TTC14: variants seen among roughly 807,000 people sequenced by gnomAD.
The protein encoded by TTC14 is tetratricopeptide repeat domain 14.
In TTC14, 63 loss-of-function variants were observed where a neutral mutation model predicts 79.9. That is an observed-to-expected ratio of 0.79 (90% CI 0.64 to 0.97). The LOEUF (loss-of-function observed/expected upper bound fraction) is 0.97, where lower values mean the gene tolerates loss of function less well. TTC14 is among the 50% of genes least tolerant of loss of function. The pLI is 0.00. For synonymous variants in TTC14, 335 were observed against 309.6 expected, an observed-to-expected ratio of 1.08 and a Z score of -0.86; for missense variants, 895 against 894.0, an observed-to-expected ratio of 1.00 and a Z score of -0.01.
At chr3:180,602,461 G>C in intron 1 of TTC14, 39 bp downstream of exon 1, 1 of 1,556,522 alleles carries the variant, frequency 6.4e-7, no homozygotes, top group South Asian at 1.2e-5. Context: ...CGGAAGAGGG[G>C]ACGCAGCTCT....
intron 3 of TTC14, chr3:180,603,589 G>T (rs181950971): frequency 2.3e-6 from 1 of 436,060 alleles, no homozygotes. Flanking sequence ...ATCAGTGGAC[G>T]TGGTGAGGTT....
rs1716685454 is a variant in TTC14, at chr3:180,606,350, G to A, written c.1027G>A (p.Ala343Thr). 1 of 1,613,980 alleles carries A rather than the reference G, an allele frequency of 6.2e-7. No homozygotes were observed. Among genetic ancestry groups the A allele is most frequent in the Admixed American group, 1.7e-5 (1 of 59,998 alleles). ...GGAAATAGACAAACAAAACGTGGAAGCTTTGGTAGCTCGTGGAGCATTGTA... is the reference window on the plus strand; with the variant it reads ...GGAAATAGACAAACAAAACGTGGAAACTTTGGTAGCTCGTGGAGCATTGTA... ...ALEIDKQNVE[A>T]LVARGALYAT... The change falls in exon 8 of 12, where the codon GCT becomes ACT. Residue 343 changes from alanine to threonine, a missense_variant. Transcript: ENST00000296015.
chr3:180,607,011 T>C (rs1308509616), intron 9 of TTC14, among the ~76,000 whole-genome samples: 2 of 152,214 alleles, frequency 1.3e-5, no homozygotes, highest in African/African-American at 4.8e-5. Flanking sequence ...CAATACCCTG[T>C]AGTTACCTAA....
rs1716390232 is a variant in TTC14 at position 180,602,214 on chromosome 3, A to G, written c.-48A>G. The G allele has an allele frequency of 6.2e-6, 10 of 1,604,590 alleles. No homozygotes were observed. The highest frequency in any genetic ancestry group is 8.5e-6 in the Non-Finnish European group (10 of 1,175,384). ...ACCCGGCTCAAGTAGCGGACACGGAACAGGGAACTATCAGCCCGTCGGCCT... is the reference window on the plus strand; with the variant it reads ...ACCCGGCTCAAGTAGCGGACACGGAGCAGGGAACTATCAGCCCGTCGGCCT... On this transcript the variant is annotated 5_prime_UTR_variant, in exon 1 of 12. Transcript: ENST00000296015.
Position 180,610,877 on chromosome 3 carries a change from T to C in TTC14, c.*335T>C. Reference sequence around the variant, plus strand: ...TTCCTGGGTGCATCTTATTCTGCTGTTTGAGAGAAAAATTTGTGCATTGAA... The same window carrying C: ...TTCCTGGGTGCATCTTATTCTGCTGCTTGAGAGAAAAATTTGTGCATTGAA... On this transcript the variant is annotated 3_prime_UTR_variant, in exon 12 of 12. Coordinates refer to ENST00000296015, the MANE Select transcript of TTC14 (RefSeq NM_133462.4). 1 of 988,930 alleles carries C rather than the reference T, an allele frequency of 1.0e-6. No individual in the cohort carries two copies. The highest frequency in any genetic ancestry group is 1.2e-6 in the Non-Finnish European group (1 of 832,260). The allele number at this position is 988,930 out of a possible 1,614,324, so 61.3% of individuals were successfully genotyped here.
intron 1 of TTC14, 176 bp downstream of exon 1, chr3:180,602,598 G>C: frequency 1.1e-6 from 1 of 871,940 alleles, no homozygotes; most frequent in South Asian, 1.8e-5. Context: ...TGTGCAATGC[G>C]GGATGCGGGC....
At chr3:180,614,952 C>T (rs199649763), downstream of TTC14, 126 of 1,565,490 alleles carry the variant, frequency 8.0e-5, no homozygotes, top group African/African-American at 1.6e-3. Context: ...CTTAACATTA[C>T]TAGAGCTACT....
In TTC14 at chr3:180,606,604, G is replaced by A. The variant is rs1041231928; in HGVS notation, c.1172+1G>A. ...AGACACTTGTAGAGAGAGGAGGACA[G>A]TAAGTATCAGATTTTGTTTAATAGT... On this transcript the variant is annotated splice_donor_variant, in intron 9 of 11. Coordinates refer to ENST00000296015, the MANE Select transcript of TTC14 (RefSeq NM_133462.4). LOFTEE classifies it high-confidence loss of function. 1 of 1,608,764 alleles carries A rather than the reference G, an allele frequency of 6.2e-7. No homozygotes were observed. The highest frequency in any genetic ancestry group is 8.5e-7 in the Non-Finnish European group (1 of 1,178,514).
intron 10 of TTC14, chr3:180,608,394 C>CTTTTTTTTTT (rs34053470): frequency 2.0e-6 from 1 of 512,500 alleles, no homozygotes. Flanking sequence ...TTTTTATGTA[C>CTTTTTTTTTT]TTTTTTTTTT....
At chr3:180,606,149 T>C in intron 7 of TTC14, 104 bp from the exon 8 acceptor site, 3 of 1,498,164 alleles carry the variant, frequency 2.0e-6, no homozygotes, top group Non-Finnish European at 2.7e-6. Context: ...AAACTAAATA[T>C]TTTGCCAAGT....
Position 180,610,609 on chromosome 3 carries a change from T to TAACA in TTC14, c.*68_*71dup. The stretch of plus-strand genomic sequence containing the variant: ...GTGAAGTTTTTGGTTGTATTAGTCA[T>TAACA]AACAGTTGAGTGCAGAAATCTCTGC... On this transcript the variant is annotated 3_prime_UTR_variant, in exon 12 of 12. Coordinates refer to ENST00000296015, the MANE Select transcript of TTC14 (RefSeq NM_133462.4). The TAACA allele has an allele frequency of 6.7e-7, 1 of 1,500,126 alleles. No individual in the cohort carries two copies. Among genetic ancestry groups the TAACA allele is most frequent in the Admixed American group, 2.5e-5 (1 of 40,658 alleles). The allele number at this position is 1,500,126 out of a possible 1,614,324, so 92.9% of individuals were successfully genotyped here.
rs141892043 is a variant in TTC14 at position 180,602,344 on chromosome 3, A to G, written c.83A>G (p.Asn28Ser). 1.0e-4 allele frequency: 161 copies of G among 1,613,418 alleles called. No homozygotes were observed. The African/African-American group carries it at 1.0e-3, about 10-fold the overall frequency. Residue 28 changes from asparagine to serine, a missense_variant, in exon 1 of 12, where the codon AAT becomes AGT. By Grantham distance (46) the Asn-to-Ser change is conservative (BLOSUM62 1). Transcript: ENST00000296015. The part of the protein sequence containing the change: ...LSLLRSEQQD[N>S]PHFRSLLGSA... ...CTACTTCGGAGCGAACAGCAGGACA[A>G]TCCACACTTCCGTAGCCTCCTGGGG...
rs771478702 is a variant in TTC14, at chr3:180,616,552, A to C, written c.1775-828A>C. The C allele has an allele frequency of 8.8e-6, 14 of 1,591,854 alleles. No homozygotes were observed. The highest frequency in any genetic ancestry group is 6.0e-6 in the Non-Finnish European group (7 of 1,169,300). ...ATGTTTGAAGGATAATACGGATCTC[A>C]GTATTTTCTTCTATGATATCAACTA... On this transcript the variant is annotated intron_variant, in intron 12 of 12. Coordinates refer to the TTC14 transcript ENST00000382584.
chr3:180,609,047 T>G lies in TTC14; in HGVS notation c.1400+237T>G, dbSNP rs1032997191. On this transcript the variant is annotated intron_variant, in intron 11 of 11. Transcript: ENST00000296015. ...TCTTAGAATTAAAATATAGAATAAG[T>G]TACTTTAATTATGTTTTAGGAAGAA... The G allele has an allele frequency of 3.1e-6, 3 of 979,726 alleles. No individual in the cohort carries two copies. In the Admixed American group the frequency reaches 1.6e-4, roughly 53 times the overall value. 60.7% of individuals were successfully genotyped at this position (979,726 alleles called of 1,614,324 possible). A position where few individuals can be genotyped will look rare whatever the true frequency, so the allele number is the denominator to read the frequency against.
intron 10 of TTC14, chr3:180,608,114 GTAA>G (rs1308865991): frequency 1.3e-5 from 13 of 1,024,516 alleles, no homozygotes; most frequent in African/African-American, 1.7e-5. Flanking sequence ...GTCTTTTCCT[GTAA>G]TACTGATGAT....
downstream of TTC14, among the ~76,000 whole-genome samples, chr3:180,611,911 G>A (rs547227613): frequency 1.3e-5 from 2 of 152,256 alleles, no homozygotes; most frequent in Admixed American, 6.5e-5. Flanking sequence ...TAAGTACTGG[G>A]TGTGTATTAT....
intron 12 of TTC14, chr3:180,616,320 T>C (rs1196346505): frequency 1.9e-6 from 3 of 1,613,436 alleles, no homozygotes; most frequent in East Asian, 2.2e-5. Flanking sequence ...TCTAGAGCTC[T>C]GACGACTGCC....
At chr3:180,605,599 C>T in intron 6 of TTC14, 167 bp from the exon 7 acceptor site, 1 of 556,216 alleles carries the variant, frequency 1.8e-6, no homozygotes, top group Admixed American at 3.9e-5. Flanking sequence ...TACTGTTTAA[C>T]AATAATAATC....
chr3:180,613,781 A>G, downstream of TTC14: 1 of 449,576 alleles, frequency 2.2e-6, no homozygotes, highest in Middle Eastern at 3.4e-4. Flanking sequence ...CATGCATTAG[A>G]GCAGTACTTT....
Sources: gnomAD v4.1 joint callset for allele counts (sites outside exome capture counted in the v4.1 genomes callset) on GRCh38, gnomAD v4.1.1 for gene constraint, MANE v1.5 for transcripts, NCBI Gene and HGNC (gene_info 2026-07-23, HGNC 2026-07-21) for gene names.